The following TTC28 variants were observed in gnomAD, a reference collection of about 807,000 sequenced individuals.
TTC28 encodes tetratricopeptide repeat domain 28.
Under a neutral mutation model 198.0 loss-of-function variants are expected in TTC28, and 61 were observed. That is an observed-to-expected ratio of 0.31 (90% CI 0.25 to 0.38). The LOEUF (loss-of-function observed/expected upper bound fraction) is 0.38, where lower values mean the gene tolerates loss of function less well. Among genes scored for constraint, TTC28 ranks in the 10% least tolerant of loss-of-function variants. TTC28 has a pLI of 1.00. For missense variants in TTC28, 2,678 were observed against 3,164.0 expected (o/e 0.85, Z 3.69); for synonymous variants, 1,171 against 1,297.8 (o/e 0.90, Z 2.10).
At chr22:28,189,830 C>T (rs182888190) in intron 5 of TTC28, among the ~76,000 whole-genome samples, 1 of 152,002 alleles carries the variant, frequency 6.6e-6, no homozygotes, top group East Asian at 1.9e-4. Flanking sequence ...AAAAACTTTA[C>T]CTATATTTTG....
chr22:28,085,179 C>T (rs946279139), intron 12 of TTC28, among the ~76,000 whole-genome samples: 5 of 151,848 alleles, frequency 3.3e-5, no homozygotes, highest in South Asian at 4.2e-4. Context: ...AGATACTCCC[C>T]GAGAAGAGCA....
chr22:28,678,207 A>G (rs1420570583), intron 1 of TTC28, among the ~76,000 whole-genome samples: 1 of 152,174 alleles, frequency 6.6e-6, no homozygotes, highest in Non-Finnish European at 1.5e-5. Flanking sequence ...ATACATAATC[A>G]TTTATGTATT....
intron 17 of TTC28, 122 bp downstream of exon 17, chr22:27,996,013 C>T (rs1937544966): frequency 7.1e-7 from 1 of 1,407,808 alleles, no homozygotes; most frequent in African/African-American, 1.4e-5. Flanking sequence ...CCATCCTGGA[C>T]ACGGCCCCAA....
intron 1 of TTC28, among the ~76,000 whole-genome samples, chr22:28,641,168 C>G (rs1447114695): frequency 6.6e-6 from 1 of 151,960 alleles, no homozygotes; most frequent in East Asian, 1.9e-4. Context: ...TACTAAAATG[C>G]AAACAATTAG....
At chr22:28,129,044 G>T (rs1232914988) in intron 6 of TTC28, among the ~76,000 whole-genome samples, 1 of 152,134 alleles carries the variant, frequency 6.6e-6, no homozygotes, top group Admixed American at 6.6e-5. Flanking sequence ...GATCTAGACA[G>T]CCATATTCAA....
At chr22:28,550,245 T>C (rs896472415) in intron 2 of TTC28, among the ~76,000 whole-genome samples, 5 of 152,162 alleles carry the variant, frequency 3.3e-5, no homozygotes, top group Non-Finnish European at 7.4e-5. Context: ...ACCCATAATT[T>C]CAGAATTGTG....
intron 1 of TTC28, among the ~76,000 whole-genome samples, chr22:28,661,620 T>G (rs1336847416): frequency 6.6e-6 from 1 of 151,920 alleles, no homozygotes; most frequent in African/African-American, 2.4e-5. Flanking sequence ...GTTTTGTTTT[T>G]TTTTTTGAGA....
At chr22:28,389,663 G>A (rs977123107) in intron 2 of TTC28, among the ~76,000 whole-genome samples, 3 of 151,024 alleles carry the variant, frequency 2.0e-5, no homozygotes, top group African/African-American at 7.3e-5. Flanking sequence ...ATGGTAGTTT[G>A]TATTTCTGTG....
intron 5 of TTC28, among the ~76,000 whole-genome samples, chr22:28,169,321 G>T (rs1922393252): frequency 1.3e-5 from 2 of 152,086 alleles, no homozygotes; most frequent in Non-Finnish European, 2.9e-5. Flanking sequence ...TCCGATTACT[G>T]GGTATATACC....
intron 2 of TTC28, among the ~76,000 whole-genome samples, chr22:28,534,137 G>C (rs2049209387): frequency 6.6e-6 from 1 of 152,166 alleles, no homozygotes; most frequent in Admixed American, 6.5e-5. Flanking sequence ...TACAGAATGG[G>C]AGAAAATTTT....
intron 2 of TTC28, among the ~76,000 whole-genome samples, chr22:28,554,769 G>A (rs2049760441): frequency 6.6e-6 from 1 of 152,136 alleles, no homozygotes; most frequent in Admixed American, 6.5e-5. Context: ...TACTAGGGAG[G>A]CTGAGGCAGG....
At chr22:28,506,001 A>G (rs1215677107) in intron 2 of TTC28, among the ~76,000 whole-genome samples, 1 of 152,236 alleles carries the variant, frequency 6.6e-6, no homozygotes, top group Non-Finnish European at 1.5e-5. Context: ...AGGGTCCCCC[A>G]CAGTGCAGCC....
intron 6 of TTC28, among the ~76,000 whole-genome samples, chr22:28,154,391 G>A (rs1443195898): frequency 1.5e-5 from 2 of 137,040 alleles, no homozygotes; most frequent in African/African-American, 5.6e-5. Flanking sequence ...TCACTCTGTC[G>A]CCCAGGCTGG....
At chr22:28,162,418 T>C (rs985677068) in intron 6 of TTC28, among the ~76,000 whole-genome samples, 5 of 152,370 alleles carry the variant, frequency 3.3e-5, no homozygotes, top group Admixed American at 6.5e-5. Context: ...AATCCTTTCA[T>C]GTTCTCATCT....
chr22:28,053,316 A>AT (rs1463871231), intron 12 of TTC28, among the ~76,000 whole-genome samples: 3 of 152,170 alleles, frequency 2.0e-5, no homozygotes, highest in African/African-American at 7.2e-5. Flanking sequence ...TGGTTTATGT[A>AT]TTTTTTTAAC....
intron 2 of TTC28, among the ~76,000 whole-genome samples, chr22:28,422,578 A>G (rs2047275601): frequency 1.3e-5 from 2 of 151,718 alleles, no homozygotes; most frequent in Admixed American, 1.3e-4. Context: ...AGCTGGGACT[A>G]CAGGTGCCCG....
intron 1 of TTC28, among the ~76,000 whole-genome samples, chr22:28,676,282 C>T (rs2051988839): frequency 6.6e-6 from 1 of 152,168 alleles, no homozygotes; most frequent in African/African-American, 2.4e-5. Flanking sequence ...AGTAAGATTT[C>T]ATTCTGTGAA....
At chr22:28,247,199 A>G (rs1930167227) in intron 5 of TTC28, among the ~76,000 whole-genome samples, 1 of 152,188 alleles carries the variant, frequency 6.6e-6, no homozygotes, top group Non-Finnish European at 1.5e-5. Context: ...GAGTGTCTCT[A>G]GTGACAACAT....
chr22:27,993,304 G>T lies in TTC28; in HGVS notation c.5459C>A (p.Thr1820Lys). ...PGDRLQQCSS[T>K]LQSLLGLPNP... ...CAGCTCACCCAGCAGGGACTGGAGT[G>T]TGCTGCTGCACTGCTGGAGCCGGTC... The change falls in exon 18 of 23, where the codon ACA (threonine) becomes AAA (lysine). Residue 1820 changes from threonine (T) to lysine (K), a missense_variant. Transcript: ENST00000397906. 6.5e-7 allele frequency: 1 copy of T among 1,543,386 alleles called. No homozygotes were observed.
Sources: gnomAD v4.1 joint callset for allele counts (sites outside exome capture counted in the v4.1 genomes callset) on GRCh38, gnomAD v4.1.1 for gene constraint, MANE v1.5 for transcripts, NCBI Gene and HGNC (gene_info 2026-07-23, HGNC 2026-07-21) for gene names.